Variants in SHISA9 observed in about 807,000 individuals in gnomAD.
The protein encoded by SHISA9 is shisa family member 9, also known as protein shisa-9.
SHISA9 carries 13 observed loss-of-function variants against 38.0 expected under a neutral mutation model. The ratio of observed to expected loss-of-function variants is 0.34; its 90% CI spans 0.22 to 0.54. The LOEUF (loss-of-function observed/expected upper bound fraction) is 0.54. SHISA9 is among the 20% of genes least tolerant of loss of function. The pLI is 0.91. For missense variants in SHISA9, 538 were observed against 575.8 expected (o/e 0.93, Z 0.67); for synonymous variants, 275 against 242.0 (o/e 1.14, Z -1.27).
chr16:13,115,034 C>G (rs971872870), intron 2 of SHISA9, among the ~76,000 whole-genome samples: 26 of 152,062 alleles, frequency 1.7e-4, no homozygotes, highest in Non-Finnish European at 2.9e-4. Context: ...ATCCATCTAT[C>G]TATCTCTTCA....
At chr16:13,247,052 G>A in the SHISA9 span, among the ~76,000 whole-genome samples, 6 of 151,658 alleles carry the variant, frequency 4.0e-5, no homozygotes, top group Non-Finnish European at 5.9e-5. Context: ...ACAGTTCCAC[G>A]TGGCTGGGAG....
chr16:13,129,250 A>C (rs1280772849), intron 2 of SHISA9, among the ~76,000 whole-genome samples: 1 of 152,226 alleles, frequency 6.6e-6, no homozygotes, highest in African/African-American at 2.4e-5. Context: ...AAACAACCCC[A>C]AATTCTCAAT....
At chr16:13,417,791 A>C in the SHISA9 span, among the ~76,000 whole-genome samples, 1 of 152,216 alleles carries the variant, frequency 6.6e-6, no homozygotes, top group Non-Finnish European at 1.5e-5. Context: ...AAGTGGAGAC[A>C]ATGGGCAGGT....
the SHISA9 span, among the ~76,000 whole-genome samples, chr16:13,525,511 A>G: frequency 2.6e-5 from 4 of 152,200 alleles, no homozygotes; most frequent in Non-Finnish European, 4.4e-5. Context: ...TTTACACTGG[A>G]TTGTTGGTGG....
At chr16:13,173,874 A>AG (rs774245892) in intron 2 of SHISA9, among the ~76,000 whole-genome samples, 8 of 152,162 alleles carry the variant, frequency 5.3e-5, no homozygotes, top group Non-Finnish European at 1.2e-4. Flanking sequence ...TTGGAGGTTC[A>AG]GGGAGGGCTT....
chr16:13,083,887 C>T (rs564007920), intron 2 of SHISA9, among the ~76,000 whole-genome samples: 14 of 152,144 alleles, frequency 9.2e-5, no homozygotes, highest in African/African-American at 3.1e-4. Context: ...AGGGCACCAA[C>T]GGTATCCACC....
chr16:13,392,699 G>A, the SHISA9 span, among the ~76,000 whole-genome samples: 15 of 152,374 alleles, frequency 9.8e-5, no homozygotes, highest in East Asian at 5.8e-4. Context: ...TTGCTGTGGA[G>A]GCTGCGATAT....
At chr16:12,943,768 T>C (rs1034560244) in intron 2 of SHISA9, among the ~76,000 whole-genome samples, 1 of 152,110 alleles carries the variant, frequency 6.6e-6, no homozygotes, top group Non-Finnish European at 1.5e-5. Context: ...CCTGCCTCCA[T>C]TTGTAGATAT....
At chr16:13,273,718 G>T in the SHISA9 span, among the ~76,000 whole-genome samples, 3 of 152,098 alleles carry the variant, frequency 2.0e-5, no homozygotes, top group Admixed American at 2.0e-4. Context: ...TATTGCACAG[G>T]AAAATTATGA....
downstream of SHISA9, among the ~76,000 whole-genome samples, chr16:13,242,772 A>G (rs1405598892): frequency 6.6e-6 from 1 of 152,188 alleles, no homozygotes; most frequent in African/African-American, 2.4e-5. Flanking sequence ...TCACCACGAA[A>G]TGGGTATAAT....
intron 2 of SHISA9, among the ~76,000 whole-genome samples, chr16:13,173,155 A>T (rs56409711): frequency 5.5e-5 from 6 of 108,896 alleles, no homozygotes; most frequent in Middle Eastern, 5.9e-3. Context: ...GCACGTGCGC[A>T]CACACACACA....
At chr16:13,023,522 C>G (rs574543358) in intron 2 of SHISA9, among the ~76,000 whole-genome samples, 1 of 152,110 alleles carries the variant, frequency 6.6e-6, no homozygotes, top group Non-Finnish European at 1.5e-5. Context: ...TATAATCCTT[C>G]GGGTATATAC....
chr16:13,365,866 T>C, the SHISA9 span, among the ~76,000 whole-genome samples: 1 of 152,148 alleles, frequency 6.6e-6, no homozygotes, highest in East Asian at 1.9e-4. Context: ...GAGTCCCAGG[T>C]CTGTGAAACC....
At chr16:13,186,638 T>C (rs2050826878) in intron 2 of SHISA9, among the ~76,000 whole-genome samples, 1 of 152,170 alleles carries the variant, frequency 6.6e-6, no homozygotes. Flanking sequence ...CCGTAGAGTT[T>C]AGTACATTCG....
chr16:13,559,702 C>T, the SHISA9 span, among the ~76,000 whole-genome samples: 1 of 152,160 alleles, frequency 6.6e-6, no homozygotes, highest in Non-Finnish European at 1.5e-5. Flanking sequence ...TTTCTTAAGC[C>T]ATTCCATTTT....
chr16:13,068,437 T>C (rs1327085168), intron 2 of SHISA9, among the ~76,000 whole-genome samples: 1 of 152,218 alleles, frequency 6.6e-6, no homozygotes, highest in Non-Finnish European at 1.5e-5. Flanking sequence ...TGTACACTTA[T>C]TCTCACTCTC....
chr16:13,233,388 T>C (rs1186691315), intron 4 of SHISA9, among the ~76,000 whole-genome samples: 1 of 152,236 alleles, frequency 6.6e-6, no homozygotes, highest in African/African-American at 2.4e-5. Context: ...TAAAACTCTT[T>C]TGTAGAATAG....
At chr16:13,003,916 A>C (rs59755834) in intron 2 of SHISA9, among the ~76,000 whole-genome samples, 1 of 151,168 alleles carries the variant, frequency 6.6e-6, no homozygotes, top group African/African-American at 2.4e-5. Context: ...AGAAGTTACA[A>C]CATCCATAAT....
chr16:13,347,970 T>C, the SHISA9 span, among the ~76,000 whole-genome samples: 1 of 152,186 alleles, frequency 6.6e-6, no homozygotes, highest in African/African-American at 2.4e-5. Flanking sequence ...AGGGAGATTA[T>C]CCTGGATAAG....
Sources: gnomAD v4.1 joint callset for allele counts (sites outside exome capture counted in the v4.1 genomes callset) on GRCh38, gnomAD v4.1.1 for gene constraint, MANE v1.5 for transcripts, NCBI Gene and HGNC (gene_info 2026-07-23, HGNC 2026-07-21) for gene names.